GGA2: variants seen among roughly 807,000 people sequenced by gnomAD.
GGA2 encodes golgi associated, gamma adaptin ear containing, ARF binding protein 2, also known as ADP-ribosylation factor-binding protein GGA2.
In GGA2, 48 loss-of-function variants were observed where a neutral mutation model predicts 79.5. The observed-to-expected ratio is 0.60, with a 90% CI of 0.48 to 0.77. The LOEUF (loss-of-function observed/expected upper bound fraction) is 0.77. Ranked by LOEUF, GGA2 falls within the 30% of genes least tolerant of loss-of-function variation. GGA2 has a pLI of 0.00. For missense variants in GGA2, 770 were observed against 774.0 expected (o/e 0.99, Z 0.06); for synonymous variants, 317 against 302.0 (o/e 1.05, Z -0.51).
chr16:23,502,783 A>C (rs1298408542), intron 1 of GGA2, among the ~76,000 whole-genome samples: 2 of 152,198 alleles, frequency 1.3e-5, no homozygotes, highest in African/African-American at 2.4e-5. Flanking sequence ...ACAGGACTGC[A>C]CCCCTTCTCA....
chr16:23,479,765 C>T lies in GGA2; in HGVS notation c.1129G>A (p.Gly377Arg). The T allele has an allele frequency of 6.2e-7, 1 of 1,613,946 alleles. No homozygotes were observed. The highest frequency in any genetic ancestry group is 8.5e-7 in the Non-Finnish European group (1 of 1,179,964). The change falls in exon 11 of 17, where the codon GGA becomes AGA. Residue 377 changes from glycine (G) to arginine (R), a missense_variant and splice_region_variant. By Grantham distance (125) the Gly-to-Arg change is moderately radical. Transcript: ENST00000309859. ...GCTCCCCACAAGCACCTGCCCTCAC[C>T]CAAGGCTGCCAGGTCCTGATGAAGC... ...SLLHQDLAAL[G>R]ISDAPVTGMV...
rs778130677 is a variant in GGA2 at position 23,467,575 on chromosome 16, C to T, written c.*15G>A. On this transcript the variant is annotated 3_prime_UTR_variant, in exon 17 of 17. Transcript: ENST00000309859. The stretch of plus-strand genomic sequence containing the variant: ...CCAGCCTAAGCTTGAAATGAAGGGT[C>T]CATCTTGTGAAAAGTTAGGCTGCGC... The T allele has an allele frequency of 2.5e-5, 31 of 1,222,824 alleles. No homozygotes were observed. Among genetic ancestry groups the T allele is most frequent in the South Asian group, 1.3e-4 (11 of 82,374 alleles). 75.7% of individuals were successfully genotyped at this position (1,222,824 alleles called of 1,614,324 possible).
intron 3 of GGA2, 41 bp from the exon 4 acceptor site, chr16:23,493,499 G>A (rs1964815780): frequency 7.9e-7 from 1 of 1,272,200 alleles, no homozygotes. Flanking sequence ...TGGAAAGCCA[G>A]TGGTCCCAGG....
intron 1 of GGA2, among the ~76,000 whole-genome samples, chr16:23,507,030 T>C (rs1567370820): frequency 1.3e-5 from 2 of 151,872 alleles, no homozygotes. Context: ...CATGTCCCCC[T>C]CTCCTTCTAA....
chr16:23,473,330 C>CCTT, intron 14 of GGA2, among the ~76,000 whole-genome samples: 1 of 70,692 alleles, frequency 1.4e-5, no homozygotes. Flanking sequence ...CTTTTCTAGT[C>CCTT]TTTTTTTTTT....
At chr16:23,515,672 T>A (rs1965098978) in intron 2 of GGA2, among the ~76,000 whole-genome samples, 1 of 152,076 alleles carries the variant, frequency 6.6e-6, no homozygotes, top group Admixed American at 6.6e-5. Context: ...CAGCTTAAGC[T>A]GAAATACCAA....
upstream of GGA2, among the ~76,000 whole-genome samples, chr16:23,511,353 G>A (rs932097108): frequency 7.3e-5 from 11 of 150,994 alleles, no homozygotes; most frequent in Non-Finnish European, 1.5e-4. Flanking sequence ...TAGAAACGAG[G>A]GTTCACTATG....
At chr16:23,516,172 CA>C (rs1249910335) in intron 2 of GGA2, among the ~76,000 whole-genome samples, 1 of 149,024 alleles carries the variant, frequency 6.7e-6, no homozygotes, top group Non-Finnish European at 1.5e-5. Flanking sequence ...CATGCCCGGC[CA>C]ATTTTTTTTT....
upstream of GGA2, among the ~76,000 whole-genome samples, chr16:23,515,464 G>C (rs1369579660): frequency 6.6e-6 from 1 of 150,974 alleles, no homozygotes; most frequent in East Asian, 1.9e-4. Flanking sequence ...GGGCATGGTG[G>C]TGTGTGCCTG....
chr16:23,470,225 G>C, intron 14 of GGA2, 60 bp from the exon 15 acceptor site: 1 of 1,322,064 alleles, frequency 7.6e-7, no homozygotes, highest in Non-Finnish European at 1.0e-6. Context: ...GGACAGCCAG[G>C]CTGGAAAGAG....
At chr16:23,469,901 A>G in intron 15 of GGA2, 95 bp downstream of exon 15, 1 of 914,930 alleles carries the variant, frequency 1.1e-6, no homozygotes, top group African/African-American at 1.7e-5. Context: ...TTGAGTGAAG[A>G]TTCTTTCCTT....
upstream of GGA2, among the ~76,000 whole-genome samples, chr16:23,512,319 TC>T (rs1439731086): frequency 6.6e-6 from 1 of 152,110 alleles, no homozygotes; most frequent in Non-Finnish European, 1.5e-5. Flanking sequence ...AGGGCCTTGA[TC>T]CCCCGTATGG....
Position 23,464,308 on chromosome 16 carries a change from A to G in GGA2, c.*3282T>C, listed in dbSNP as rs1285525813. ...ATTAACTGCAGCAAAAGGTTAGGAC[A>G]AAACATGGCATTATCAGGGCTTGAA... On this transcript the variant is annotated 3_prime_UTR_variant, in exon 17 of 17. Transcript: ENST00000309859. The G allele has an allele frequency of 1.3e-5, 2 of 152,228 alleles. No homozygotes were observed. The highest frequency in any genetic ancestry group is 2.9e-5 in the Non-Finnish European group (2 of 68,042). 9.4% of individuals were successfully genotyped at this position (152,228 alleles called of 1,614,324 possible). A position where few individuals can be genotyped will look rare whatever the true frequency, so the allele number is the denominator to read the frequency against.
upstream of GGA2, among the ~76,000 whole-genome samples, chr16:23,511,933 G>A (rs560295694): frequency 2.7e-4 from 40 of 150,554 alleles, no homozygotes; most frequent in African/African-American, 7.1e-4. Flanking sequence ...TCCAGTGAGC[G>A]GAATTTACCT....
chr16:23,501,039 T>C (rs770009985), intron 1 of GGA2: 44 of 354,438 alleles, frequency 1.2e-4, no homozygotes, highest in Non-Finnish European at 2.2e-4. Flanking sequence ...TTGGGCAATA[T>C]ATTACAACAT....
rs1219812595 is a variant in GGA2, at chr16:23,479,786, G to A, written c.1108C>T (p.His370Tyr). The A allele has an allele frequency of 1.2e-6, 2 of 1,614,134 alleles. No homozygotes were observed. The change falls in exon 11 of 17, where the codon CAT (histidine) becomes TAT (tyrosine). Residue 370 changes from histidine (H) to tyrosine (Y), a missense_variant. Physicochemically the swap from His to Tyr is moderately conservative, Grantham distance 83. Transcript: ENST00000309859. Reference sequence around the variant, plus strand: ...TCACCCAAGGCTGCCAGGTCCTGATGAAGCAAAGATGGCACCACAGTCCCC... The same window carrying A: ...TCACCCAAGGCTGCCAGGTCCTGATAAAGCAAAGATGGCACCACAGTCCCC... ...QMGTVVPSLL[H>Y]QDLAALGISD... is the part of the protein sequence containing the mutation.
chr16:23,477,617 C>T (rs966851726), intron 13 of GGA2, among the ~76,000 whole-genome samples: 5 of 152,088 alleles, frequency 3.3e-5, no homozygotes, highest in African/African-American at 1.2e-4. Context: ...TGTGGTGGCA[C>T]ACGCCTGTAA....
intron 8 of GGA2, among the ~76,000 whole-genome samples, 159 bp from the exon 9 acceptor site, chr16:23,483,163 GAC>G (rs1399915587): frequency 3.9e-5 from 6 of 152,144 alleles, no homozygotes; most frequent in Non-Finnish European, 5.9e-5. Flanking sequence ...GAAGTAACAT[GAC>G]AGAGTTTCAG....
upstream of GGA2, among the ~76,000 whole-genome samples, chr16:23,513,376 T>C (rs1040741265): frequency 3.3e-5 from 5 of 152,058 alleles, no homozygotes; most frequent in African/African-American, 1.2e-4. Flanking sequence ...AGAAACTCAA[T>C]TCCTCTTTCC....
Sources: allele counts gnomAD v4.1 joint callset (sites outside exome capture counted in the v4.1 genomes callset), GRCh38; gene constraint gnomAD v4.1.1; transcripts MANE v1.5; gene names NCBI Gene and HGNC (gene_info 2026-07-23, HGNC 2026-07-21).